The following C16orf74 variants were observed in gnomAD, a reference collection of about 807,000 sequenced individuals.
The protein encoded by C16orf74 is uncharacterized protein C16orf74.
A neutral mutation model predicts 6.5 loss-of-function variants in C16orf74; 10 were observed. The ratio of observed to expected loss-of-function variants is 1.54; its 90% CI spans 0.95 to 2.61. C16orf74 has a LOEUF of 2.61. Ranked by LOEUF, C16orf74 falls within the 30% of genes most tolerant of loss-of-function variation. The probability of loss-of-function intolerance (pLI) is 0.00; values close to 1 mark genes in which losing one functional copy is unlikely to be tolerated. For synonymous variants in C16orf74, 60 were observed against 42.5 expected, an observed-to-expected ratio of 1.41 and a Z score of -1.60; for missense variants, 141 against 105.9, an observed-to-expected ratio of 1.33 and a Z score of -1.45.
At position 85,727,904 on chromosome 16, in the gene C16orf74, C is replaced by G. The variant is rs147472243; in HGVS notation, c.28+7286G>C. Among the ~76,000 whole-genome samples, 752 of 149,678 alleles carry G rather than the reference C, an allele frequency of 5.0e-3. 8 individuals carry two copies. The highest frequency in any genetic ancestry group is 0.018 in the African/African-American group (716 of 40,418). On this transcript the variant is annotated intron_variant, in intron 2 of 3. Transcript: ENST00000284245. The stretch of plus-strand genomic sequence containing the variant: ...CTGAAATCCTAGCACCTTGGGAGGT[C>G]CAGGCTTGAAGCCAAGACTTTAAGA...
At chr16:85,717,783 T>C (rs931161758) in intron 2 of C16orf74, among the ~76,000 whole-genome samples, 6 of 152,168 alleles carry the variant, frequency 3.9e-5, no homozygotes, top group African/African-American at 1.2e-4. Flanking sequence ...AACGTGCTGG[T>C]AATACACAGA....
At chr16:85,747,285 C>T (rs1022335142) in intron 1 of C16orf74, among the ~76,000 whole-genome samples, 3 of 152,178 alleles carry the variant, frequency 2.0e-5, no homozygotes, top group Middle Eastern at 3.4e-3. Context: ...ATCCTGTCTC[C>T]ACAGAAAAAT....
chr16:85,720,780 A>G (rs1199915467), intron 2 of C16orf74, among the ~76,000 whole-genome samples: 1 of 151,306 alleles, frequency 6.6e-6, no homozygotes, highest in Non-Finnish European at 1.5e-5. Context: ...TCAAAAAAAA[A>G]AAAAAAAAAA....
At chr16:85,730,490 C>G (rs1286683840) in intron 2 of C16orf74, among the ~76,000 whole-genome samples, 1 of 150,916 alleles carries the variant, frequency 6.6e-6, no homozygotes, top group African/African-American at 2.4e-5. Flanking sequence ...AACTAAATCC[C>G]CCAGACCAGG....
chr16:85,726,740 C>G (rs1470180425), intron 2 of C16orf74, among the ~76,000 whole-genome samples: 2 of 152,200 alleles, frequency 1.3e-5, no homozygotes, highest in African/African-American at 4.8e-5. Flanking sequence ...TCCCATTTCA[C>G]AGAGCTCCTG....
intron 1 of C16orf74, among the ~76,000 whole-genome samples, chr16:85,745,382 G>C (rs2054362177): frequency 1.3e-5 from 2 of 152,164 alleles, no homozygotes; most frequent in Admixed American, 1.3e-4. Flanking sequence ...GTTTGTTTTT[G>C]CAACAGCCTT....
intron 1 of C16orf74, among the ~76,000 whole-genome samples, chr16:85,744,629 G>A (rs1209786084): frequency 6.6e-6 from 1 of 151,802 alleles, no homozygotes; most frequent in South Asian, 2.1e-4. Context: ...AGGAGATCGA[G>A]ACCATCCTGG....
At chr16:85,722,942 G>A (rs1301653634) in intron 2 of C16orf74, among the ~76,000 whole-genome samples, 2 of 152,192 alleles carry the variant, frequency 1.3e-5, no homozygotes, top group East Asian at 3.9e-4. Context: ...AAGACACGGA[G>A]GCGAAAAGAG....
rs570661477 is a variant in C16orf74, at chr16:85,722,060, G to A, written c.29-11753C>T. 1.5e-4 allele frequency among the ~76,000 whole-genome samples: 22 copies of A among 144,810 alleles called. No homozygotes were observed. In the South Asian group the frequency reaches 4.6e-3, roughly 31 times the overall value. ...GTGGAACTCAAACTTCTGGGCTCAC[G>A]CGGTCTTGCTGCCTTGGCCTGCTAA... On this transcript the variant is annotated intron_variant, in intron 2 of 3. Coordinates refer to ENST00000284245, the MANE Select transcript of C16orf74 (RefSeq NM_206967.3).
chr16:85,731,397 G>T (rs2054185892), intron 2 of C16orf74, among the ~76,000 whole-genome samples: 1 of 152,246 alleles, frequency 6.6e-6, no homozygotes, highest in South Asian at 2.1e-4. Flanking sequence ...GGCAGAGCTG[G>T]GATTTGAACC....
chr16:85,714,708 G>A (rs2054005334), intron 2 of C16orf74, among the ~76,000 whole-genome samples: 2 of 149,032 alleles, frequency 1.3e-5, no homozygotes, highest in African/African-American at 4.9e-5. Flanking sequence ...ATGAGCCACC[G>A]TGCCCGGCCT....
chr16:85,730,931 G>A (rs1368628076), intron 2 of C16orf74, among the ~76,000 whole-genome samples: 1 of 150,272 alleles, frequency 6.7e-6, no homozygotes, highest in Non-Finnish European at 1.5e-5. Context: ...CAGTGAACTG[G>A]ACCCCACTCA....
rs138833217 is a variant in C16orf74, at chr16:85,734,663, G to A, written c.28+527C>T. Among the ~76,000 whole-genome samples, 659 of 152,340 alleles carry A rather than the reference G, an allele frequency of 4.3e-3. 7 individuals are homozygous for A. The highest frequency in any genetic ancestry group is 0.015 in the African/African-American group (616 of 41,568). On this transcript the variant is annotated intron_variant, in intron 2 of 3. Coordinates refer to ENST00000284245, the MANE Select transcript of C16orf74 (RefSeq NM_206967.3). ...ATGGACTTGGGATGGGAGGTTTCCT[G>A]CAACATTGGTCTGAGGTGCCCCAGG...
In C16orf74 at chr16:85,709,116, A is replaced by G. The variant is rs12600075; in HGVS notation, c.172+1048T>C. On this transcript the variant is annotated intron_variant, in intron 3 of 3. Coordinates refer to ENST00000284245, the MANE Select transcript of C16orf74 (RefSeq NM_206967.3). ...ATGCCTGTAATCCCAGCACTTTGGG[A>G]GGCCCAGGTGGGCAGATCACCTGAG... 6.2e-4 allele frequency among the ~76,000 whole-genome samples: 94 copies of G among 152,322 alleles called. 1 individual carries two copies. The East Asian group carries it at 0.018, about 29-fold the overall frequency.
chr16:85,735,201 G>C lies in C16orf74; in HGVS notation c.17C>G (p.Ser6Cys), dbSNP rs777069044. The C allele has an allele frequency of 5.6e-6, 9 of 1,603,302 alleles. No individual in the cohort carries two copies. Among genetic ancestry groups the C allele is most frequent in the South Asian group, 2.2e-5 (2 of 89,580 alleles). MGLKM[S>C]CLKGFQMCVS... is the part of the protein sequence containing the mutation. Reference sequence around the variant, plus strand: ...GCTTCAGGCCTTACCTTTCAGGCAGGACATCTTAAGCCCCATGTCGGCACC... The same window carrying C: ...GCTTCAGGCCTTACCTTTCAGGCAGCACATCTTAAGCCCCATGTCGGCACC... The change falls in exon 2 of 4, where the codon TCC becomes TGC. Residue 6 changes from serine (S) to cysteine (C), a missense_variant. Coordinates refer to ENST00000284245, the MANE Select transcript of C16orf74 (RefSeq NM_206967.3).
chr16:85,711,470 A>AT (rs2053969182), intron 2 of C16orf74, among the ~76,000 whole-genome samples: 1 of 151,026 alleles, frequency 6.6e-6, no homozygotes. Flanking sequence ...CAAAAAAAAA[A>AT]AAATTAGCTG....
At chr16:85,713,615 G>C (rs74034059) in intron 2 of C16orf74, among the ~76,000 whole-genome samples, 4,630 of 152,268 alleles carry the variant, frequency 0.03, 255 homozygotes, top group African/African-American at 0.11. Context: ...TATTGGACTA[G>C]GAGCTCACAC....
At chr16:85,735,350 G>C in intron 1 of C16orf74, 115 bp from the exon 2 acceptor site, 1 of 544,746 alleles carries the variant, frequency 1.8e-6, no homozygotes, top group Non-Finnish European at 3.1e-6. Flanking sequence ...GGTTGTGGTG[G>C]AGAGAAACCA....
At chr16:85,722,878 G>C (rs939133914) in intron 2 of C16orf74, among the ~76,000 whole-genome samples, 3 of 152,200 alleles carry the variant, frequency 2.0e-5, no homozygotes, top group Non-Finnish European at 4.4e-5. Flanking sequence ...ACAGGACTTG[G>C]CTCCTGAAAT....
Sources: gnomAD v4.1 joint callset for allele counts (sites outside exome capture counted in the v4.1 genomes callset) on GRCh38, gnomAD v4.1.1 for gene constraint, MANE v1.5 for transcripts, NCBI Gene and HGNC (gene_info 2026-07-23, HGNC 2026-07-21) for gene names.